The following LMO7 variants were observed in gnomAD, a reference collection of about 807,000 sequenced individuals.
LMO7 encodes the protein LIM domain 7.
A neutral mutation model predicts 206.5 loss-of-function variants in LMO7; 120 were observed. The observed-to-expected ratio is 0.58, with a 90% confidence interval of 0.50 to 0.68. The LOEUF (loss-of-function observed/expected upper bound fraction) is 0.68, where lower values mean the gene tolerates loss of function less well. LMO7 is among the 30% of genes least tolerant of loss of function. The probability of loss-of-function intolerance (pLI) is 0.00; values close to 1 mark genes in which losing one functional copy is unlikely to be tolerated. For synonymous variants in LMO7, 706 were observed against 681.5 expected (o/e 1.04, Z -0.56); for missense variants, 1,959 against 1,957.9 (o/e 1.00, Z -0.01).
At chr13:75,762,123 A>C (rs765815424) in intron 4 of LMO7, among the ~76,000 whole-genome samples, 1 of 152,168 alleles carries the variant, frequency 6.6e-6, no homozygotes, top group Non-Finnish European at 1.5e-5. Context: ...ATATGTTTTT[A>C]AATGAACACT....
chr13:75,671,209 CT>C (rs36091764), intron 1 of LMO7, among the ~76,000 whole-genome samples: 3,175 of 147,128 alleles, frequency 0.022, 125 homozygotes, highest in African/African-American at 0.073. Flanking sequence ...TACAGTTAAC[CT>C]TTTTTTTTTT....
intron 3 of LMO7, among the ~76,000 whole-genome samples, chr13:75,751,270 C>T (rs1319031189): frequency 6.8e-6 from 1 of 146,872 alleles, no homozygotes; most frequent in Non-Finnish European, 1.5e-5. Flanking sequence ...ACACCATTCT[C>T]CTGCCTCAGC....
Position 75,840,419 on chromosome 13 carries a change from G to A in LMO7, c.3506G>A (p.Ser1169Asn). The A allele has an allele frequency of 6.2e-7, 1 of 1,614,092 alleles. No individual in the cohort carries two copies. The highest frequency in any genetic ancestry group is 8.5e-7 in the Non-Finnish European group (1 of 1,179,998). ...CCAGTTCCAACCATCAGTGCCCCGA[G>A]TCGCTGGGTGTGGGATCAAGAGGAG... is the stretch of plus-strand genomic sequence containing the variant. ...DLPVPTISAP[S>N]RWVWDQEEER... Residue 1169 changes from serine (S) to asparagine (N), a missense_variant, in exon 22 of 31, where the codon AGT becomes AAT. Transcript: ENST00000377534.
chr13:75,734,842 T>G (rs1397889495), intron 3 of LMO7, among the ~76,000 whole-genome samples: 1 of 152,104 alleles, frequency 6.6e-6, no homozygotes, highest in East Asian at 1.9e-4. Context: ...GCTCACGCCT[T>G]TAATCCCAGC....
intron 4 of LMO7, among the ~76,000 whole-genome samples, chr13:75,791,625 T>G (rs542222691): frequency 1.3e-5 from 2 of 152,148 alleles, no homozygotes; most frequent in Non-Finnish European, 2.9e-5. Context: ...ACAAAAGTCC[T>G]TTTGGATTCA....
intron 4 of LMO7, among the ~76,000 whole-genome samples, chr13:75,773,590 G>A (rs1043656983): frequency 1.3e-5 from 2 of 152,150 alleles, no homozygotes; most frequent in Non-Finnish European, 2.9e-5. Context: ...GGAGTAAGAC[G>A]TGATGAGGAT....
intron 26 of LMO7, among the ~76,000 whole-genome samples, chr13:75,847,470 T>G (rs1346264436): frequency 6.6e-6 from 1 of 152,224 alleles, no homozygotes; most frequent in East Asian, 1.9e-4. Context: ...TTTTTCCTGT[T>G]CACAAAAGCC....
At chr13:75,848,865 A>G (rs1020253678) in intron 26 of LMO7, 2 of 494,680 alleles carry the variant, frequency 4.0e-6, no homozygotes, top group Non-Finnish European at 7.3e-6. Flanking sequence ...ACTAGTTTAC[A>G]TTCCCACCAG....
At chr13:75,689,133 G>T (rs2139606782) in intron 1 of LMO7, 1 of 152,226 alleles carries the variant, frequency 6.6e-6, no homozygotes, top group East Asian at 1.9e-4. Flanking sequence ...CTTCCTCTAA[G>T]AGTTCATCTT....
intron 25 of LMO7, among the ~76,000 whole-genome samples, chr13:75,844,738 C>T (rs1307718945): frequency 6.6e-6 from 1 of 152,144 alleles, no homozygotes; most frequent in Non-Finnish European, 1.5e-5. Context: ...TTCAGTGTGT[C>T]TAGCAGAATG....
intron 3 of LMO7, among the ~76,000 whole-genome samples, chr13:75,727,754 T>G (rs2044622165): frequency 6.6e-6 from 1 of 151,538 alleles, no homozygotes; most frequent in Admixed American, 6.6e-5. Flanking sequence ...TAGGTATATC[T>G]CCTAATGCTA....
At chr13:75,714,142 T>C (rs2043332701) in intron 2 of LMO7, among the ~76,000 whole-genome samples, 1 of 151,996 alleles carries the variant, frequency 6.6e-6, no homozygotes, top group African/African-American at 2.4e-5. Context: ...TTTGAAGGAG[T>C]TGTTTGCAGC....
chr13:75,831,335 A>G (rs1005767123), intron 15 of LMO7, among the ~76,000 whole-genome samples: 2 of 152,174 alleles, frequency 1.3e-5, no homozygotes, highest in Admixed American at 6.5e-5. Context: ...GTATTATTTT[A>G]TACAGAGTAA....
chr13:75,827,977 C>T (rs1417588792), intron 15 of LMO7, among the ~76,000 whole-genome samples: 1 of 152,184 alleles, frequency 6.6e-6, no homozygotes, highest in Non-Finnish European at 1.5e-5. Context: ...TTCACTAGGA[C>T]CTGCTCTCTG....
At chr13:75,733,186 G>A (rs1316582046) in intron 3 of LMO7, among the ~76,000 whole-genome samples, 1 of 152,246 alleles carries the variant, frequency 6.6e-6, no homozygotes, top group Non-Finnish European at 1.5e-5. Flanking sequence ...AGTTTGCAGA[G>A]GTTACTGCTG....
chr13:75,771,698 G>A (rs570152488), intron 4 of LMO7, among the ~76,000 whole-genome samples: 19 of 142,222 alleles, frequency 1.3e-4, no homozygotes, highest in Non-Finnish European at 2.2e-4. Flanking sequence ...AAACGTCCTT[G>A]GCTGGGAATA....
intron 7 of LMO7, 44 bp from the exon 8 acceptor site, chr13:75,804,245 G>A (rs747104686): frequency 2.0e-5 from 32 of 1,583,988 alleles, no homozygotes; most frequent in South Asian, 1.8e-4. Context: ...TCAGTTAGGC[G>A]AATAATCTGG....
intron 1 of LMO7, among the ~76,000 whole-genome samples, chr13:75,675,886 G>A (rs978632767): frequency 7.8e-5 from 8 of 102,738 alleles, no homozygotes; most frequent in East Asian, 7.2e-4. Flanking sequence ...GTGCACGAGC[G>A]TGCACACACA....
intron 3 of LMO7, among the ~76,000 whole-genome samples, chr13:75,737,622 G>A (rs1306890783): frequency 2.7e-5 from 4 of 145,604 alleles, no homozygotes; most frequent in East Asian, 2.0e-4. Flanking sequence ...GCGTGGTAGC[G>A]GGCGCCTGTA....
Sources: gnomAD v4.1 joint callset for allele counts (sites outside exome capture counted in the v4.1 genomes callset) on GRCh38, gnomAD v4.1.1 for gene constraint, MANE v1.5 for transcripts, NCBI Gene and HGNC (gene_info 2026-07-23, HGNC 2026-07-21) for gene names.